The following ATP2B3 variants were observed in gnomAD, a reference collection of about 807,000 sequenced individuals.
The protein encoded by ATP2B3 is plasma membrane calcium-transporting ATPase 3.
A neutral mutation model predicts 70.8 loss-of-function variants in ATP2B3; 12 were observed. The observed-to-expected ratio is 0.17, with a 90% CI of 0.11 to 0.27. ATP2B3 has a LOEUF of 0.27. Among genes scored for constraint, ATP2B3 ranks in the 10% least tolerant of loss-of-function variants. ATP2B3 has a pLI of 1.00. For missense variants in ATP2B3, 858 were observed against 1,118.5 expected (o/e 0.77, Z 3.32); for synonymous variants, 460 against 497.8 (o/e 0.92, Z 1.01).
intron 21 of ATP2B3, among the ~76,000 whole-genome samples, chrX:153,566,779 G>A (rs1241990897): frequency 9.0e-6 from 1 of 111,091 alleles, no homozygotes; most frequent in Admixed American, 9.5e-5. Flanking sequence ...CTGCCCGCCT[G>A]TGCCACTGCA....
At chrX:153,540,394 G>A (rs916465723) in intron 3 of ATP2B3, among the ~76,000 whole-genome samples, 17 of 112,138 alleles carry the variant, frequency 1.5e-4, no homozygotes, top group Admixed American at 1.4e-3. Context: ...TCCCATTCCC[G>A]TGCCTCTCTC....
chrX:153,573,783 G>A (rs190084371), intron 21 of ATP2B3, among the ~76,000 whole-genome samples: 90 of 112,503 alleles, frequency 8.0e-4, no homozygotes, highest in African/African-American at 2.8e-3. Context: ...TCTTTAGTCC[G>A]ACCACCCGAC....
intron 2 of ATP2B3, among the ~76,000 whole-genome samples, chrX:153,527,637 C>T (rs1603021092): frequency 8.9e-6 from 1 of 112,777 alleles, no homozygotes; most frequent in East Asian, 2.8e-4. Context: ...GATCCAGGGA[C>T]ACCCAGCATT....
chrX:153,549,839 C>G (rs782004971), intron 11 of ATP2B3, 100 bp downstream of exon 11: 14 of 1,080,362 alleles, frequency 1.3e-5, no homozygotes, highest in East Asian at 3.2e-5. Context: ...CTCATTAGGC[C>G]CCCCCTTGAG....
At chrX:153,526,020 G>A (rs2124321399) in intron 2 of ATP2B3, among the ~76,000 whole-genome samples, 1 of 113,082 alleles carries the variant, frequency 8.8e-6, no homozygotes, top group African/African-American at 3.2e-5. Context: ...GGCCCTCTGC[G>A]CCCCATCCAC....
chrX:153,543,156 A>G lies in ATP2B3; in HGVS notation c.904A>G (p.Lys302Glu). Residue 302 changes from lysine to glutamate, a missense_variant, in exon 7 of 22, where the codon AAA becomes GAA. By Grantham distance (56) the Lys-to-Glu change is moderately conservative (BLOSUM62 1). Around this residue, in one of 5 missense-constraint regions of ATP2B3, gnomAD observed 278 missense variants for 366.2 expected, o/e 0.76. Transcript: ENST00000263519. ...AGCTGGCGGAGAGGAGGAAGAGAAG[A>G]AAGATAAGAAAGGTAGCGCAGCAGT... ...LGAGGEEEEK[K>E]DKKGKQQDGA... The G allele has an allele frequency of 1.7e-6, 2 of 1,209,939 alleles. No individual in the cohort carries two copies. Among genetic ancestry groups the G allele is most frequent in the South Asian group, 3.5e-5 (2 of 56,679 alleles).
chrX:153,564,457 T>C (rs1213819153), intron 20 of ATP2B3, among the ~76,000 whole-genome samples: 1 of 112,710 alleles, frequency 8.9e-6, no homozygotes, highest in Non-Finnish European at 1.9e-5. Flanking sequence ...CACTGAGCCA[T>C]GCTGCTCTCA....
At chrX:153,520,496 A>C (rs782404450) in intron 2 of ATP2B3, among the ~76,000 whole-genome samples, 221 of 113,364 alleles carry the variant, frequency 1.9e-3, no homozygotes, top group African/African-American at 6.6e-3. Flanking sequence ...ATCAGTGGTC[A>C]GTAGCACATC....
At chrX:153,558,025 C>A in intron 16 of ATP2B3, 87 bp from the exon 17 acceptor site, 1 of 981,646 alleles carries the variant, frequency 1.0e-6, no homozygotes, top group Non-Finnish European at 1.4e-6. Context: ...GAGCAGGGAG[C>A]CAGCCCAGGC....
At chrX:153,570,063 G>A (rs1286985210) in intron 21 of ATP2B3, 11 of 374,494 alleles carry the variant, frequency 2.9e-5, no homozygotes, top group Admixed American at 5.2e-5. Context: ...TGCCTTTGCC[G>A]ATGGTTCTTC....
chrX:153,541,944 C>A lies in ATP2B3; in HGVS notation c.664+18C>A. ...CAAGTACGGTGAGTGCCCTGGTCTTCACCCACCCTGTCAAGGAAGCTCGGC... is the reference window on the plus strand; with the variant it reads ...CAAGTACGGTGAGTGCCCTGGTCTTAACCCACCCTGTCAAGGAAGCTCGGC... On this transcript the variant is annotated intron_variant, in intron 5 of 21. Transcript: ENST00000263519. 1 of 1,194,440 alleles carries A rather than the reference C, an allele frequency of 8.4e-7. No homozygotes were observed.
Position 153,550,041 on chromosome X carries a change from G to C in ATP2B3, c.1582-4G>C. On this transcript the variant is annotated splice_polypyrimidine_tract_variant and splice_region_variant and intron_variant, in intron 11 of 21. Transcript: ENST00000263519. ...AGTGCCTGCTAGCCCTCGTCATCTT[G>C]CAGCCTCCTGAGAAGGAAGGCGCCC... is the stretch of plus-strand genomic sequence containing the variant. 2.5e-6 allele frequency: 3 copies of C among 1,207,139 alleles called. No homozygotes were observed. Among genetic ancestry groups the C allele is most frequent in the Non-Finnish European group, 3.4e-6 (3 of 891,769 alleles).
chrX:153,574,907 C>T (rs782552669), intron 21 of ATP2B3: 6 of 326,100 alleles, frequency 1.8e-5, no homozygotes, highest in Middle Eastern at 4.4e-4. Context: ...CAGTCTGCAG[C>T]GTCACCCGCC....
chrX:153,550,355 G>A (rs1172725691), intron 12 of ATP2B3, 69 bp downstream of exon 12: 9 of 1,185,833 alleles, frequency 7.6e-6, no homozygotes, highest in Non-Finnish European at 1.0e-5. Flanking sequence ...GGTAAAAGAG[G>A]CCGAACGTAA....
chrX:153,530,442 G>T lies in ATP2B3; in HGVS notation c.-126-5680G>T, dbSNP rs1453718272. Reference sequence around the variant, plus strand: ...TGCTGCAGAAGTGCATCCACCCAAAGGCGCAGGCTGAATCGGGCAACCTCC... The same window carrying T: ...TGCTGCAGAAGTGCATCCACCCAAATGCGCAGGCTGAATCGGGCAACCTCC... On this transcript the variant is annotated intron_variant, in intron 2 of 21. Transcript: ENST00000263519. 4.4e-5 allele frequency among the ~76,000 whole-genome samples: 5 copies of T among 112,571 alleles called. No homozygotes were observed. In the East Asian group the frequency reaches 1.4e-3, roughly 32 times the overall value.
chrX:153,525,680 G>A (rs1037134904), intron 2 of ATP2B3, among the ~76,000 whole-genome samples: 1 of 112,307 alleles, frequency 8.9e-6, no homozygotes, highest in East Asian at 2.8e-4. Flanking sequence ...GTCAGAGGGC[G>A]GCTGCCAGCA....
chrX:153,565,095 C>A lies in ATP2B3; in HGVS notation c.3334C>A (p.Gln1112Lys). 8.4e-7 allele frequency: 1 copy of A among 1,184,089 alleles called. No homozygotes were observed. Among genetic ancestry groups the A allele is most frequent in the South Asian group, 1.9e-5 (1 of 53,511 alleles). The stretch of plus-strand genomic sequence containing the variant: ...CTGGTTCCGGGGCCTGAACCGGATT[C>A]AGACGCAGGTAAGCCCCGACTCGCT... ...ILWFRGLNRI[Q>K]TQIRVVKAFR... Residue 1112 changes from glutamine (Q) to lysine (K), a missense_variant, in exon 21 of 22, where the codon CAG (glutamine) becomes AAG (lysine). Around this residue, in one of 5 missense-constraint regions of ATP2B3, gnomAD observed 265 missense variants for 305.3 expected, o/e 0.87. Transcript: ENST00000263519.
chrX:153,553,188 C>A lies in ATP2B3; in HGVS notation c.1977C>A (p.Pro659=), dbSNP rs371361296. The change falls in exon 13 of 22, where the codon CCC becomes CCA. Residue 659 remains proline, a synonymous_variant. Coordinates refer to ENST00000263519, the MANE Select transcript of ATP2B3 (RefSeq NM_001001344.3). ...AYRDFSAGQE[P]DWDNENEVVG... is the part of the protein sequence containing the mutation. ...GGGACTTCTCTGCAGGCCAGGAGCCCGACTGGGACAACGAGAATGAGGTCG... is the reference window on the plus strand; with the variant it reads ...GGGACTTCTCTGCAGGCCAGGAGCCAGACTGGGACAACGAGAATGAGGTCG... 8 of 1,211,760 alleles carry A rather than the reference C, an allele frequency of 6.6e-6. No individual in the cohort carries two copies. The highest frequency in any genetic ancestry group is 7.8e-6 in the Non-Finnish European group (7 of 895,454).
At chrX:153,520,671 A>G (rs1489226763) in intron 2 of ATP2B3, among the ~76,000 whole-genome samples, 2 of 112,823 alleles carry the variant, frequency 1.8e-5, no homozygotes, top group Non-Finnish European at 3.7e-5. Context: ...AGGCTAGGTA[A>G]CTTGCCCAAG....
Sources: gnomAD v4.1 joint callset for allele counts (sites outside exome capture counted in the v4.1 genomes callset) on GRCh38, gnomAD v4.1.1 for gene constraint, gnomAD v4.1.1 regional missense constraint, MANE v1.5 for transcripts, NCBI Gene and HGNC (gene_info 2026-07-23, HGNC 2026-07-21) for gene names.